Variants in FAM3B observed in about 807,000 individuals in gnomAD.
FAM3B encodes protein FAM3B.
Under a neutral mutation model 28.4 loss-of-function variants are expected in FAM3B, and 29 were observed. The observed-to-expected ratio is 1.02, with a 90% confidence interval of 0.76 to 1.39. The LOEUF (loss-of-function observed/expected upper bound fraction) is 1.39, where lower values mean the gene tolerates loss of function less well. Among genes scored for constraint, FAM3B ranks in the 40% most tolerant of loss-of-function variants. The pLI, the probability that FAM3B is intolerant of heterozygous loss-of-function variation, is 0.00. For synonymous variants in FAM3B, 91 were observed against 103.0 expected (o/e 0.88, Z 0.71); for missense variants, 266 against 293.9 (o/e 0.91, Z 0.69).
At chr21:41,338,257 G>A (rs1203434926) in intron 2 of FAM3B, 121 bp from the exon 3 acceptor site, 1 of 1,183,328 alleles carries the variant, frequency 8.5e-7, no homozygotes, top group Non-Finnish European at 1.2e-6. Flanking sequence ...TTCCCCCTCA[G>A]GTTTTCCGAC....
At chr21:41,306,292 A>C (rs1432546181) in intron 1 of FAM3B, among the ~76,000 whole-genome samples, 1 of 152,232 alleles carries the variant, frequency 6.6e-6, no homozygotes, top group East Asian at 1.9e-4. Flanking sequence ...AATTTCTTCC[A>C]AACTCCTTTT....
intron 7 of FAM3B, among the ~76,000 whole-genome samples, chr21:41,353,892 AC>A (rs1353321297): frequency 6.6e-6 from 1 of 152,230 alleles, no homozygotes; most frequent in African/African-American, 2.4e-5. Flanking sequence ...TTTGCAAAGT[AC>A]GCATCTAACA....
upstream of FAM3B, among the ~76,000 whole-genome samples, chr21:41,314,845 T>C (rs116212210): frequency 3.8e-3 from 578 of 152,102 alleles, 3 homozygotes; most frequent in African/African-American, 0.013. Flanking sequence ...AGTGGGATTA[T>C]AAAATTGTGC....
chr21:41,319,869 C>G (rs1383339165), intron 1 of FAM3B: 1 of 152,206 alleles, frequency 6.6e-6, no homozygotes, highest in African/African-American at 2.4e-5. Flanking sequence ...TGCCCAGTAC[C>G]TCAGAATGTG....
chr21:41,321,838 A>G (rs1229556419), intron 1 of FAM3B, among the ~76,000 whole-genome samples: 1 of 152,180 alleles, frequency 6.6e-6, no homozygotes, highest in Non-Finnish European at 1.5e-5. Context: ...GCTGAGGTCC[A>G]GAACTGCACC....
Position 41,325,010 on chromosome 21 carries a change from G to T in FAM3B, c.163+1944G>T, listed in dbSNP as rs997067470. On this transcript the variant is annotated intron_variant, in intron 2 of 7. Transcript: ENST00000357985. ...CCAGCTACTCGGGAGGCTGAGGCAG[G>T]AGAATAGCTTGAACCCAGTAGGTGG... Among the ~76,000 whole-genome samples, 53 of 152,188 alleles carry T rather than the reference G, an allele frequency of 3.5e-4. 1 individual carries two copies. The highest frequency in any genetic ancestry group is 3.5e-3 in the Admixed American group (53 of 15,286).
At chr21:41,305,156 A>G (rs547191221) in intron 1 of FAM3B, among the ~76,000 whole-genome samples, 1 of 152,192 alleles carries the variant, frequency 6.6e-6, no homozygotes, top group Non-Finnish European at 1.5e-5. Flanking sequence ...ACCACACTCC[A>G]GGTGGGTAGA....
At chr21:41,348,556 C>G (rs1043329416) in intron 6 of FAM3B, 36 bp from the exon 7 acceptor site, 5 of 1,613,364 alleles carry the variant, frequency 3.1e-6, no homozygotes, top group Non-Finnish European at 4.2e-6. Context: ...CCACGTCTCC[C>G]TGAGATGCTC....
Position 41,348,640 on chromosome 21 carries a change from A to T in FAM3B, c.534A>T (p.Glu178Asp). The T allele has an allele frequency of 6.2e-7, 1 of 1,614,238 alleles. No individual in the cohort carries two copies. The highest frequency in any genetic ancestry group is 2.2e-5 in the East Asian group (1 of 44,888). Reference protein sequence around the residue: ...KNAIEALGSKEIRNMKFRSSW... With the variant: ...KNAIEALGSKDIRNMKFRSSW... ...CCATAGAAGCACTTGGAAGTAAAGA[A>T]ATCAGGAACATGAAATTCAGGTCTA... The change falls in exon 7 of 8, where the codon GAA (glutamate) becomes GAT (aspartate). Residue 178 changes from glutamate (E) to aspartate (D), a missense_variant. Glu to Asp is a conservative substitution (Grantham distance 45). Coordinates refer to ENST00000357985, the MANE Select transcript of FAM3B (RefSeq NM_058186.4).
upstream of FAM3B, among the ~76,000 whole-genome samples, chr21:41,314,731 A>G (rs1332992402): frequency 2.0e-5 from 3 of 150,708 alleles, no homozygotes; most frequent in Middle Eastern, 3.2e-3. Context: ...ACAATCAGAT[A>G]TCACTTCATA....
chr21:41,347,884 T>G (rs2089079236), intron 6 of FAM3B, among the ~76,000 whole-genome samples: 1 of 152,230 alleles, frequency 6.6e-6, no homozygotes, highest in South Asian at 2.1e-4. Context: ...GTGTCTTTGC[T>G]GCAGAATGTC....
At chr21:41,344,768 A>G (rs1013097654) in intron 4 of FAM3B, among the ~76,000 whole-genome samples, 1 of 152,238 alleles carries the variant, frequency 6.6e-6, no homozygotes, top group African/African-American at 2.4e-5. Context: ...AAAAAAAGAA[A>G]AAAACAGAGG....
chr21:41,309,191 A>G (rs1350768414), intron 1 of FAM3B, among the ~76,000 whole-genome samples: 1 of 152,238 alleles, frequency 6.6e-6, no homozygotes, highest in Non-Finnish European at 1.5e-5. Flanking sequence ...AGGACTAGCT[A>G]GTTAGATGAT....
intron 1 of FAM3B, among the ~76,000 whole-genome samples, chr21:41,306,199 C>T (rs1293256045): frequency 6.6e-6 from 1 of 152,194 alleles, no homozygotes; most frequent in Non-Finnish European, 1.5e-5. Context: ...TGCTAGTTCT[C>T]TTATTATTTC....
intron 7 of FAM3B, among the ~76,000 whole-genome samples, chr21:41,350,257 ACCCT>A (rs552262782): frequency 1.2e-4 from 19 of 152,188 alleles, no homozygotes; most frequent in Admixed American, 3.9e-4. Flanking sequence ...CCTCAGGCTG[ACCCT>A]GGGGAGCGAA....
intron 1 of FAM3B, among the ~76,000 whole-genome samples, chr21:41,307,370 A>G (rs2088688019): frequency 6.6e-6 from 1 of 152,238 alleles, no homozygotes; most frequent in Non-Finnish European, 1.5e-5. Context: ...GTTTACCCAG[A>G]GCAATAAAAC....
intron 7 of FAM3B, among the ~76,000 whole-genome samples, chr21:41,350,001 G>T (rs1023988912): frequency 6.6e-6 from 1 of 152,178 alleles, no homozygotes; most frequent in Admixed American, 6.5e-5. Flanking sequence ...TGCCCTAACC[G>T]AGAGGCACTC....
intron 7 of FAM3B, among the ~76,000 whole-genome samples, chr21:41,349,534 C>A (rs2089094900): frequency 6.6e-6 from 1 of 152,310 alleles, no homozygotes; most frequent in South Asian, 2.1e-4. Context: ...TCTACATCTC[C>A]AGGGTGTGCA....
intron 5 of FAM3B, chr21:41,346,022 T>TAA (rs59394089): frequency 0.013 from 2,598 of 201,886 alleles, 37 homozygotes; most frequent in East Asian, 0.072. Flanking sequence ...GCCTTTTTTT[T>TAA]AAAAAAAAAA....
Sources: allele counts gnomAD v4.1 joint callset (sites outside exome capture counted in the v4.1 genomes callset), GRCh38; gene constraint gnomAD v4.1.1; transcripts MANE v1.5; gene names NCBI Gene and HGNC (gene_info 2026-07-23, HGNC 2026-07-21).